The following WWP2 variants were observed in gnomAD, a reference collection of about 807,000 sequenced individuals.
The protein encoded by WWP2 is WW domain containing E3 ubiquitin protein ligase 2.
A neutral mutation model predicts 121.0 loss-of-function variants in WWP2; 57 were observed. The observed-to-expected ratio is 0.47, with a 90% CI of 0.38 to 0.59. The LOEUF (loss-of-function observed/expected upper bound fraction) is 0.59. Among genes scored for constraint, WWP2 ranks in the 20% least tolerant of loss-of-function variants. WWP2 has a pLI of 0.00. For missense variants in WWP2, 962 were observed against 1,158.9 expected (o/e 0.83, Z 2.47); for synonymous variants, 449 against 441.3 (o/e 1.02, Z -0.22).
intron 4 of WWP2, among the ~76,000 whole-genome samples, chr16:69,833,286 A>G (rs1352654578): frequency 1.3e-5 from 2 of 152,252 alleles, no homozygotes; most frequent in Non-Finnish European, 2.9e-5. Context: ...GAAACTGGAC[A>G]GCGTGTCCTT....
At chr16:69,837,158 C>T (rs942347108) in intron 4 of WWP2, among the ~76,000 whole-genome samples, 1 of 151,626 alleles carries the variant, frequency 6.6e-6, no homozygotes, top group Admixed American at 6.6e-5. Context: ...CTCCTGGACT[C>T]AAGCAATCCA....
At chr16:69,844,258 A>G (rs3790088) in intron 6 of WWP2, among the ~76,000 whole-genome samples, 22,061 of 152,164 alleles carry the variant, frequency 0.14, 1,873 homozygotes, top group East Asian at 0.39. Flanking sequence ...TCTTGTGTCA[A>G]CAAAGCCATG....
In WWP2 at chr16:69,925,341, AT is replaced by A; in HGVS notation, c.1180-87del. ...AAGCGCTCAAATGTGGAAGCCAGTC[AT>A]TGGCATTTTTATTTTTTATTGATTG... On this transcript the variant is annotated intron_variant, in intron 10 of 23. Transcript: ENST00000359154. The surrounding 1 kb of genome is among the most constrained non-coding windows in gnomAD (Gnocchi z 4.0). 1 of 1,572,714 alleles carries A rather than the reference AT, an allele frequency of 6.4e-7. No homozygotes were observed. Among genetic ancestry groups the A allele is most frequent in the Non-Finnish European group, 8.7e-7 (1 of 1,155,368 alleles).
Position 69,934,042 on chromosome 16 carries a change from C to T in WWP2, c.1755C>T (p.Asn585=), listed in dbSNP as rs1567443910. 36 of 1,614,152 alleles carry T rather than the reference C, an allele frequency of 2.2e-5. No homozygotes were observed. The highest frequency in any genetic ancestry group is 3.0e-5 in the Non-Finnish European group (35 of 1,180,020). Residue 585 remains asparagine, a synonymous_variant, in exon 17 of 24, where the codon AAC becomes AAT. Transcript: ENST00000359154. ...GTTTATTTGAATATGCCGGAAAGAACAATTACTGCCTGCAGATCAACCCCG... is the reference window on the plus strand; with the variant it reads ...GTTTATTTGAATATGCCGGAAAGAATAATTACTGCCTGCAGATCAACCCCG... ...MYCLFEYAGK[N]NYCLQINPAS...
intron 2 of WWP2, among the ~76,000 whole-genome samples, chr16:69,796,100 A>G (rs2056036919): frequency 6.6e-6 from 1 of 151,944 alleles, no homozygotes; most frequent in South Asian, 2.1e-4. Context: ...TATTAGTATT[A>G]TAAAAAGTTA....
Position 69,840,137 on chromosome 16 carries a change from C to T in WWP2, c.352C>T (p.Gln118Ter). The T allele has an allele frequency of 1.2e-6, 2 of 1,614,254 alleles. No individual in the cohort carries two copies. The highest frequency in any genetic ancestry group is 1.7e-6 in the Non-Finnish European group (2 of 1,180,040). Residue 118 changes from glutamine (Q) to a stop codon, truncating the protein, a stop_gained, in exon 5 of 24, where the codon CAG becomes TAG. Coordinates refer to ENST00000359154, the MANE Select transcript of WWP2 (RefSeq NM_001270454.2). LOFTEE classifies it high-confidence loss of function. ...KNNGGKMENM[Q>*]LTLNLQTENK... is the part of the protein sequence containing the mutation. ...TTTGTACCCCACAGTGGAGAACATG[C>T]AGCTGACCCTGAACCTGCAGACGGA...
chr16:69,864,472 C>T (rs932248566), intron 6 of WWP2, among the ~76,000 whole-genome samples: 7 of 152,170 alleles, frequency 4.6e-5, no homozygotes, highest in Admixed American at 6.5e-5. Flanking sequence ...GCTGTGTTCC[C>T]GCCATCAATG....
intron 6 of WWP2, among the ~76,000 whole-genome samples, chr16:69,846,453 C>T (rs1277941975): frequency 2.0e-5 from 3 of 152,178 alleles, no homozygotes; most frequent in Non-Finnish European, 4.4e-5. Flanking sequence ...GGTGTGGTGG[C>T]TCACGCCTGT....
At chr16:69,798,477 G>A (rs1432910023) in intron 2 of WWP2, among the ~76,000 whole-genome samples, 24 of 147,782 alleles carry the variant, frequency 1.6e-4, no homozygotes, top group Admixed American at 1.6e-3. Context: ...TTTCAGGTTA[G>A]GGATTTTTTT....
At chr16:69,918,624 C>G (rs116019867) in intron 10 of WWP2, among the ~76,000 whole-genome samples, 1 of 152,232 alleles carries the variant, frequency 6.6e-6, no homozygotes, top group East Asian at 1.9e-4. Flanking sequence ...GAGCCTCCTT[C>G]TTTCTGATGC....
intron 8 of WWP2, 126 bp from the exon 9 acceptor site, chr16:69,908,635 G>T (rs955079787): frequency 1.3e-6 from 2 of 1,514,594 alleles, no homozygotes; most frequent in Admixed American, 2.0e-5. Flanking sequence ...CCATTGGGTC[G>T]GCCTCGCATG....
rs564461936 is a variant in WWP2, at chr16:69,826,676, G to A, written c.341-13450G>A. On this transcript the variant is annotated intron_variant, in intron 4 of 23. Coordinates refer to ENST00000359154, the MANE Select transcript of WWP2 (RefSeq NM_001270454.2). ...GGGTGGATCACGAGGTCAGGAGATC[G>A]AGACCATCCTGGCTAACATGGTGAA... Among the ~76,000 whole-genome samples, 96 of 147,098 alleles carry A rather than the reference G, an allele frequency of 6.5e-4. 1 individual carries two copies. In the South Asian group the frequency reaches 0.015, roughly 24 times the overall value.
At chr16:69,859,816 C>T (rs74342400) in intron 6 of WWP2, among the ~76,000 whole-genome samples, 4,639 of 152,062 alleles carry the variant, frequency 0.031, 127 homozygotes, top group East Asian at 0.12. Flanking sequence ...AGAAGGCGCT[C>T]TGCTTCCAGG....
chr16:69,796,206 T>C (rs76614752), intron 2 of WWP2, among the ~76,000 whole-genome samples: 8,931 of 152,174 alleles, frequency 0.059, 851 homozygotes, highest in African/African-American at 0.2. Context: ...AGGGGCACAA[T>C]GTCTAGAGCT....
chr16:69,935,835 G>T lies in WWP2; in HGVS notation c.1843-18G>T, dbSNP rs1261988311. On this transcript the variant is annotated intron_variant, in intron 17 of 23. Transcript: ENST00000359154. The surrounding 1 kb of genome is among the most constrained non-coding windows in gnomAD (Gnocchi z 5.2). ...CCAGGGAAGGCCAAACCTCTGTGCT[G>T]TGCCTCTTCCTTCCCAGGCGCTGTA... 4 of 1,606,380 alleles carry T rather than the reference G, an allele frequency of 2.5e-6. No homozygotes were observed. In the African/African-American group the frequency reaches 5.3e-5, roughly 21 times the overall value.
At chr16:69,816,207 A>G (rs1163148570) in intron 4 of WWP2, among the ~76,000 whole-genome samples, 2 of 152,098 alleles carry the variant, frequency 1.3e-5, no homozygotes, top group African/African-American at 2.4e-5. Context: ...CTTGCTCCCT[A>G]AATTGAACAT....
intron 7 of WWP2, among the ~76,000 whole-genome samples, chr16:69,872,464 C>T (rs1220917346): frequency 6.6e-6 from 1 of 152,240 alleles, no homozygotes; most frequent in Non-Finnish European, 1.5e-5. Context: ...GATCGCCCGT[C>T]TTGGCCTCCC....
At chr16:69,884,295 AACTC>A (rs1450870358) in intron 7 of WWP2, among the ~76,000 whole-genome samples, 2 of 152,244 alleles carry the variant, frequency 1.3e-5, no homozygotes, top group African/African-American at 4.8e-5. Flanking sequence ...TTTCCCCACT[AACTC>A]CAGCCAAGGA....
At chr16:69,803,248 C>G (rs953996132) in intron 4 of WWP2, among the ~76,000 whole-genome samples, 16 of 151,706 alleles carry the variant, frequency 1.1e-4, no homozygotes, top group African/African-American at 3.6e-4. Context: ...AAAGTATATT[C>G]TAGACGTCCT....
Sources: gnomAD v4.1 joint callset for allele counts (sites outside exome capture counted in the v4.1 genomes callset) on GRCh38, gnomAD v4.1.1 for gene constraint, Gnocchi (gnomAD v3.1) non-coding constraint, MANE v1.5 for transcripts, NCBI Gene and HGNC (gene_info 2026-07-23, HGNC 2026-07-21) for gene names.